The following ARHGAP17 variants were observed in gnomAD, a reference collection of about 807,000 sequenced individuals.
ARHGAP17 encodes the protein Rho GTPase activating protein 17.
ARHGAP17 carries 57 observed loss-of-function variants against 99.5 expected under a neutral mutation model. The observed-to-expected ratio is 0.57, with a 90% CI of 0.46 to 0.71. The LOEUF is 0.71. ARHGAP17 is among the 30% of genes least tolerant of loss of function. The probability of loss-of-function intolerance (pLI) is 0.00; values close to 1 mark genes in which losing one functional copy is unlikely to be tolerated. For missense variants in ARHGAP17, 1,000 were observed against 1,122.4 expected (o/e 0.89, Z 1.56); for synonymous variants, 417 against 429.6 (o/e 0.97, Z 0.36).
intron 1 of ARHGAP17, among the ~76,000 whole-genome samples, chr16:24,983,022 T>G (rs2052748824): frequency 1.6e-5 from 1 of 63,434 alleles, no homozygotes; most frequent in Admixed American, 2.0e-4. Context: ...TTTTTTTTTT[T>G]GAGACAGGGT....
intron 1 of ARHGAP17, among the ~76,000 whole-genome samples, chr16:25,007,964 A>C (rs4787665): frequency 0.82 from 124,782 of 152,100 alleles, 51,888 homozygotes; most frequent in African/African-American, 0.94. Context: ...TGCAGTCCCC[A>C]CATTCCCTAC....
chr16:24,976,731 AGGAT>A (rs1006196767), intron 3 of ARHGAP17, among the ~76,000 whole-genome samples: 4 of 152,226 alleles, frequency 2.6e-5, no homozygotes, highest in Admixed American at 2.0e-4. Context: ...TGCCATCATG[AGGAT>A]GCCTGTCTAG....
Position 24,954,635 on chromosome 16 carries a change from T to C in ARHGAP17, c.820A>G (p.Met274Val), listed in dbSNP as rs983583076. 4 of 1,613,932 alleles carry C rather than the reference T, an allele frequency of 2.5e-6. No homozygotes were observed. The African/African-American group carries it at 5.3e-5, about 22-fold the overall frequency. Residue 274 changes from methionine (M) to valine (V), a missense_variant, in exon 10 of 20, where the codon ATG becomes GTG. Physicochemically the swap from Met to Val is conservative, Grantham distance 21 (BLOSUM62 1). Transcript: ENST00000289968. Reference protein sequence around the residue: ...EIALPIEACVMLLLETGMKEE... With the variant: ...EIALPIEACVVLLLETGMKEE... ...TTCATGCCTGTCTCCAGAAGCAGCA[T>C]GACACAGGCTTCAATGGGCAGCGCA...
Position 24,960,705 on chromosome 16 carries a change from T to C in ARHGAP17, c.574-726A>G, listed in dbSNP as rs577335427. ...GGTGGCGGGCACCTGTAGTCCCAGC[T>C]ACTTGGGAGGCTGAGGCAGGAGAAT... On this transcript the variant is annotated intron_variant, in intron 7 of 19. Transcript: ENST00000289968. Among the ~76,000 whole-genome samples the C allele has an allele frequency of 4.0e-5, 6 of 150,952 alleles. 1 individual carries two copies. In the South Asian group the frequency reaches 8.4e-4, roughly 21 times the overall value.
chr16:24,948,097 C>A (rs1408575572), intron 13 of ARHGAP17, among the ~76,000 whole-genome samples: 3 of 152,114 alleles, frequency 2.0e-5, no homozygotes, highest in Non-Finnish European at 2.9e-5. Flanking sequence ...TAGGGAGCTG[C>A]TTAAATAAAT....
rs397704015 is a variant in ARHGAP17, at chr16:24,924,456, T to TTC, written c.2516-4197_2516-4196insGA. On this transcript the variant is annotated intron_variant, in intron 19 of 19. Coordinates refer to ENST00000289968, the MANE Select transcript of ARHGAP17 (RefSeq NM_001006634.3). ...GTCTCTTTTCTGTTTTTTTTTTTTT[T>TTC]AAATAAAATATCTACTGTATGAACT... Among the ~76,000 whole-genome samples the TTC allele has an allele frequency of 4.9e-3, 734 of 150,634 alleles. 3 individuals are homozygous for TTC. Among genetic ancestry groups the TTC allele is most frequent in the Admixed American group, 9.9e-3 (149 of 15,090 alleles).
chr16:24,985,891 G>A lies in ARHGAP17; in HGVS notation c.54-6886C>T, dbSNP rs191256058. Among the ~76,000 whole-genome samples the A allele has an allele frequency of 2.2e-4, 33 of 152,136 alleles. No homozygotes were observed. In the East Asian group the frequency reaches 2.9e-3, roughly 13 times the overall value. On this transcript the variant is annotated intron_variant, in intron 1 of 19. Coordinates refer to ENST00000289968, the MANE Select transcript of ARHGAP17 (RefSeq NM_001006634.3). ...ACACAGGTAGATAGAGACACGAGGG[G>A]CATTTTTACACGTCAGAATACAGAT... is the stretch of plus-strand genomic sequence containing the variant.
At chr16:24,978,911 G>T in intron 2 of ARHGAP17, 55 bp downstream of exon 2, 1 of 1,352,808 alleles carries the variant, frequency 7.4e-7, no homozygotes, top group Non-Finnish European at 1.0e-6. Flanking sequence ...TTCTCACATA[G>T]GAATTTTTTT....
Position 24,952,994 on chromosome 16 carries a change from C to T in ARHGAP17, c.901G>A (p.Ala301Thr), listed in dbSNP as rs1597396491. The T allele has an allele frequency of 2.5e-6, 4 of 1,614,208 alleles. No individual in the cohort carries two copies. The highest frequency in any genetic ancestry group is 1.7e-6 in the Non-Finnish European group (2 of 1,180,040). The change falls in exon 11 of 20, where the codon GCT becomes ACT. Residue 301 changes from alanine to threonine, a missense_variant. Physicochemically the swap from Ala to Thr is moderately conservative, Grantham distance 58. Transcript: ENST00000289968. ...TGAGAAGTAGAACAGTCCAAAGCAG[C>T]TTTCAGCTTCTTTAACTTGGAGGCC... ...AGASKLKKLK[A>T]ALDCSTSHLD...
intron 3 of ARHGAP17, among the ~76,000 whole-genome samples, chr16:24,975,988 C>T (rs1597439701): frequency 6.6e-6 from 1 of 152,200 alleles, no homozygotes; most frequent in Non-Finnish European, 1.5e-5. Context: ...GGGATCTACC[C>T]TGGCCTTGAT....
chr16:24,983,479 T>A (rs1057358082), intron 1 of ARHGAP17, among the ~76,000 whole-genome samples: 2 of 151,218 alleles, frequency 1.3e-5, no homozygotes, highest in East Asian at 2.0e-4. Context: ...TTTTTAAAAT[T>A]TTTTTTATAG....
At chr16:25,010,774 G>A (rs1307634780) in intron 1 of ARHGAP17, among the ~76,000 whole-genome samples, 2 of 152,260 alleles carry the variant, frequency 1.3e-5, no homozygotes, top group Admixed American at 1.3e-4. Flanking sequence ...CATTACCACA[G>A]CAGCCCCTTT....
At chr16:24,952,090 C>T (rs1045549634) in intron 12 of ARHGAP17, among the ~76,000 whole-genome samples, 199 bp downstream of exon 12, 1 of 152,180 alleles carries the variant, frequency 6.6e-6, no homozygotes, top group Non-Finnish European at 1.5e-5. Context: ...AAACCAATGC[C>T]TACGTGGTGA....
intron 10 of ARHGAP17, among the ~76,000 whole-genome samples, chr16:24,954,066 G>C (rs1455750965): frequency 1.3e-5 from 2 of 151,700 alleles, no homozygotes; most frequent in Non-Finnish European, 2.9e-5. Flanking sequence ...CTTGCATTTT[G>C]ATTCTAGCTC....
At chr16:24,964,377 T>C in intron 6 of ARHGAP17, 69 bp from the exon 7 acceptor site, 1 of 1,065,224 alleles carries the variant, frequency 9.4e-7, no homozygotes, top group Non-Finnish European at 1.4e-6. Flanking sequence ...AGGCAGGACC[T>C]GGTGGAGATA....
chr16:24,992,177 T>C (rs2141432762), intron 1 of ARHGAP17, among the ~76,000 whole-genome samples: 1 of 152,176 alleles, frequency 6.6e-6, no homozygotes, highest in East Asian at 1.9e-4. Context: ...TTTTCAGTAA[T>C]GGAATGGCAA....
At chr16:25,011,523 G>A (rs1883837121) in intron 1 of ARHGAP17, among the ~76,000 whole-genome samples, 1 of 149,750 alleles carries the variant, frequency 6.7e-6, no homozygotes, top group Non-Finnish European at 1.5e-5. Flanking sequence ...TGGCCAACAT[G>A]GCAAAACCAC....
intron 1 of ARHGAP17, among the ~76,000 whole-genome samples, chr16:24,981,117 GACCA>G (rs2052663531): frequency 6.6e-6 from 1 of 152,218 alleles, no homozygotes; most frequent in African/African-American, 2.4e-5. Context: ...AGCCAACTCA[GACCA>G]ACCAACCATG....
At chr16:24,923,942 G>A (rs1179444931) in intron 19 of ARHGAP17, among the ~76,000 whole-genome samples, 1 of 152,070 alleles carries the variant, frequency 6.6e-6, no homozygotes, top group African/African-American at 2.4e-5. Flanking sequence ...GGTTCTAGAA[G>A]ATTTACTTAT....
Sources: gnomAD v4.1 joint callset for allele counts (sites outside exome capture counted in the v4.1 genomes callset) on GRCh38, gnomAD v4.1.1 for gene constraint, MANE v1.5 for transcripts, NCBI Gene and HGNC (gene_info 2026-07-23, HGNC 2026-07-21) for gene names.